VPS26A: variants seen among roughly 807,000 people sequenced by gnomAD.
The protein encoded by VPS26A is vacuolar protein sorting-associated protein 26A.
A neutral mutation model predicts 42.4 loss-of-function variants in VPS26A; 22 were observed. The observed-to-expected ratio is 0.52, with a 90% confidence interval of 0.37 to 0.74. The LOEUF (loss-of-function observed/expected upper bound fraction) is 0.74. VPS26A is among the 30% of genes least tolerant of loss of function. The probability of loss-of-function intolerance (pLI) is 0.00; values close to 1 mark genes in which losing one functional copy is unlikely to be tolerated. For synonymous variants in VPS26A, 110 were observed against 123.5 expected (o/e 0.89, Z 0.73); for missense variants, 276 against 379.2 (o/e 0.73, Z 2.26).
intron 2 of VPS26A, among the ~76,000 whole-genome samples, chr10:69,151,277 A>AAAC (rs1841306050): frequency 1.5e-5 from 2 of 131,130 alleles, no homozygotes; most frequent in Non-Finnish European, 3.2e-5. Flanking sequence ...AAAAAAAAAA[A>AAAC]AAAAAACACA....
intron 2 of VPS26A, among the ~76,000 whole-genome samples, chr10:69,155,471 T>C (rs1462703681): frequency 2.6e-5 from 4 of 152,228 alleles, no homozygotes; most frequent in African/African-American, 9.6e-5. Context: ...AAAATGCTTT[T>C]ATTAGTCATA....
intron 1 of VPS26A, among the ~76,000 whole-genome samples, chr10:69,129,559 T>A (rs1840732498): frequency 1.3e-5 from 2 of 152,084 alleles, no homozygotes; most frequent in Non-Finnish European, 2.9e-5. Flanking sequence ...AAAATTTTTT[T>A]TTTTTTTAAA....
intron 8 of VPS26A, among the ~76,000 whole-genome samples, chr10:69,169,816 C>T (rs1841776938): frequency 1.3e-5 from 2 of 151,980 alleles, no homozygotes; most frequent in African/African-American, 4.8e-5. Flanking sequence ...ACCATGTTGA[C>T]CAGGCTGGTC....
intron 2 of VPS26A, among the ~76,000 whole-genome samples, chr10:69,154,770 C>T (rs1168632258): frequency 2.0e-5 from 3 of 152,086 alleles, no homozygotes; most frequent in Non-Finnish European, 4.4e-5. Flanking sequence ...GAGGCTGAGG[C>T]AGGAGGATCA....
intron 1 of VPS26A, 96 bp downstream of exon 1, chr10:69,124,376 G>A (rs1840601086): frequency 1.3e-5 from 15 of 1,193,570 alleles, no homozygotes; most frequent in Non-Finnish European, 1.6e-5. Context: ...CGGAGGAGGG[G>A]ACGGGGGAGC....
At chr10:69,167,412 A>G (rs953218268) in intron 7 of VPS26A, among the ~76,000 whole-genome samples, 3 of 148,094 alleles carry the variant, frequency 2.0e-5, no homozygotes, top group Non-Finnish European at 4.5e-5. Flanking sequence ...TGACAGAGGG[A>G]GATCCTGCCT....
chr10:69,134,159 AC>A (rs1309575849), intron 2 of VPS26A, among the ~76,000 whole-genome samples: 6 of 152,212 alleles, frequency 3.9e-5, no homozygotes, highest in Non-Finnish European at 8.8e-5. Flanking sequence ...CATGTGGTAG[AC>A]AGTTTTGGAA....
At chr10:69,125,594 A>G (rs1329609782) in intron 1 of VPS26A, among the ~76,000 whole-genome samples, 1 of 152,222 alleles carries the variant, frequency 6.6e-6, no homozygotes, top group Non-Finnish European at 1.5e-5. Context: ...TTTTTTGCTT[A>G]CATTTGTAAT....
chr10:69,160,898 A>G (rs1432575122), intron 5 of VPS26A, among the ~76,000 whole-genome samples: 2 of 152,230 alleles, frequency 1.3e-5, no homozygotes, highest in African/African-American at 4.8e-5. Flanking sequence ...AGCTATCACA[A>G]CAGCAGACTC....
Position 69,173,270 on chromosome 10 carries a change from T to C in VPS26A, c.*2001T>C, listed in dbSNP as rs975416126. Among the ~76,000 whole-genome samples the C allele has an allele frequency of 1.3e-5, 2 of 152,152 alleles. No individual in the cohort carries two copies. Among genetic ancestry groups the C allele is most frequent in the African/African-American group, 2.4e-5 (1 of 41,428 alleles). On this transcript the variant is annotated 3_prime_UTR_variant, in exon 9 of 9. Coordinates refer to ENST00000263559, the MANE Select transcript of VPS26A (RefSeq NM_004896.5). ...ATATCAGAATCACCTTAGAAGCTTT[T>C]AAAATAACCAGGCCCGGGTCCTACT...
rs960615251 is a variant in VPS26A, at chr10:69,173,264, A to C, written c.*1995A>C. 6.6e-6 allele frequency among the ~76,000 whole-genome samples: 1 copy of C among 152,212 alleles called. No homozygotes were observed. ...GGCTGCATATCAGAATCACCTTAGA[A>C]GCTTTTAAAATAACCAGGCCCGGGT... On this transcript the variant is annotated 3_prime_UTR_variant, in exon 9 of 9. Coordinates refer to ENST00000263559, the MANE Select transcript of VPS26A (RefSeq NM_004896.5).
intron 2 of VPS26A, among the ~76,000 whole-genome samples, chr10:69,147,960 C>T (rs1272592655): frequency 6.6e-6 from 1 of 152,176 alleles, no homozygotes; most frequent in Non-Finnish European, 1.5e-5. Context: ...GATTAGCATG[C>T]CTCGGCCTCC....
chr10:69,125,369 G>A (rs1382323373), intron 1 of VPS26A, among the ~76,000 whole-genome samples: 5 of 152,122 alleles, frequency 3.3e-5, no homozygotes, highest in Non-Finnish European at 7.4e-5. Flanking sequence ...GTGCCTAGGG[G>A]ACCCCAGTAA....
At chr10:69,133,945 C>T (rs1420032630) in intron 2 of VPS26A, among the ~76,000 whole-genome samples, 1 of 152,070 alleles carries the variant, frequency 6.6e-6, no homozygotes. Flanking sequence ...CGTAGGCCTA[C>T]AAAAGTGCTG....
intron 2 of VPS26A, 108 bp downstream of exon 2, chr10:69,133,155 T>A: frequency 2.8e-5 from 29 of 1,032,038 alleles, no homozygotes; most frequent in South Asian, 3.4e-5. Context: ...GGGAGAGAGA[T>A]TTTTTTTTCC....
intron 2 of VPS26A, among the ~76,000 whole-genome samples, chr10:69,150,347 C>T (rs1192742634): frequency 1.3e-5 from 2 of 152,254 alleles, no homozygotes; most frequent in East Asian, 3.9e-4. Flanking sequence ...TGGGCCACTG[C>T]GCCCGGCCCA....
chr10:69,151,709 A>G (rs1460038992), intron 2 of VPS26A, among the ~76,000 whole-genome samples: 3 of 152,202 alleles, frequency 2.0e-5, no homozygotes, highest in Admixed American at 1.3e-4. Context: ...GTACTTTAAT[A>G]GTGTGGTTTC....
At chr10:69,157,469 C>T (rs1191839532) in intron 4 of VPS26A, among the ~76,000 whole-genome samples, 3 of 152,142 alleles carry the variant, frequency 2.0e-5, no homozygotes, top group Admixed American at 6.5e-5. Context: ...AGAAAATCTC[C>T]TTTAGTATAT....
At chr10:69,156,685 G>T (rs981978261) in intron 3 of VPS26A, among the ~76,000 whole-genome samples, 2 of 152,114 alleles carry the variant, frequency 1.3e-5, no homozygotes, top group African/African-American at 2.4e-5. Flanking sequence ...AAGCAAAATA[G>T]AATTTTTGCC....
Sources: gnomAD v4.1 joint callset for allele counts (sites outside exome capture counted in the v4.1 genomes callset) on GRCh38, gnomAD v4.1.1 for gene constraint, MANE v1.5 for transcripts, NCBI Gene and HGNC (gene_info 2026-07-23, HGNC 2026-07-21) for gene names.